The following RAB38 variants were observed in gnomAD, a reference collection of about 807,000 sequenced individuals.
The protein encoded by RAB38 is RAB38, member RAS oncogene family, also known as ras-related protein Rab-38.
Under a neutral mutation model 18.4 loss-of-function variants are expected in RAB38, and 15 were observed. The observed-to-expected ratio is 0.82, with a 90% confidence interval of 0.55 to 1.26. The LOEUF (loss-of-function observed/expected upper bound fraction) is 1.26. RAB38 is among the 50% of genes most tolerant of loss of function. The probability of loss-of-function intolerance (pLI) is 0.00; values close to 1 mark genes in which losing one functional copy is unlikely to be tolerated. For missense variants in RAB38, 294 were observed against 267.4 expected (o/e 1.10, Z -0.69); for synonymous variants, 101 against 104.4 (o/e 0.97, Z 0.20).
At chr11:87,896,375 A>G in the RAB38 span, among the ~76,000 whole-genome samples, 1 of 151,640 alleles carries the variant, frequency 6.6e-6, no homozygotes, top group Non-Finnish European at 1.5e-5. Flanking sequence ...GAACCATCCA[A>G]TTTGAAATCT....
At chr11:87,830,102 C>T in the RAB38 span, among the ~76,000 whole-genome samples, 1 of 152,106 alleles carries the variant, frequency 6.6e-6, no homozygotes, top group Non-Finnish European at 1.5e-5. Context: ...CAATAATATT[C>T]AGACAAGAAT....
the RAB38 span, among the ~76,000 whole-genome samples, chr11:88,081,942 A>C: frequency 6.6e-6 from 1 of 151,908 alleles, no homozygotes; most frequent in Non-Finnish European, 1.5e-5. Context: ...AACTACTAAT[A>C]CATGTAACAA....
the RAB38 span, among the ~76,000 whole-genome samples, chr11:87,892,348 C>G: frequency 0.09 from 13,738 of 151,838 alleles, 936 homozygotes; most frequent in Admixed American, 0.22. Flanking sequence ...AAATATAGAT[C>G]CTTTCAATCT....
chr11:87,934,584 TA>T, the RAB38 span, among the ~76,000 whole-genome samples: 1 of 152,098 alleles, frequency 6.6e-6, no homozygotes, highest in East Asian at 1.9e-4. Flanking sequence ...CGTGCAATGC[TA>T]AATTACTTTC....
the RAB38 span, among the ~76,000 whole-genome samples, chr11:88,021,047 A>G: frequency 6.6e-6 from 1 of 152,170 alleles, no homozygotes; most frequent in Non-Finnish European, 1.5e-5. Flanking sequence ...AGAACTAGAA[A>G]ACCAAGAGCA....
chr11:87,949,025 T>C, the RAB38 span, among the ~76,000 whole-genome samples: 1 of 152,232 alleles, frequency 6.6e-6, no homozygotes, highest in South Asian at 2.1e-4. Context: ...GTCCTGGACT[T>C]TTTTTGGTTG....
At chr11:87,971,791 T>C in the RAB38 span, among the ~76,000 whole-genome samples, 1 of 152,098 alleles carries the variant, frequency 6.6e-6, no homozygotes, top group Non-Finnish European at 1.5e-5. Context: ...CATCCTTCTC[T>C]GTCTATGCCT....
the RAB38 span, among the ~76,000 whole-genome samples, chr11:87,901,621 G>T: frequency 6.6e-6 from 1 of 151,576 alleles, no homozygotes; most frequent in Non-Finnish European, 1.5e-5. Context: ...CAATGAGGTT[G>T]ATAAACAGGG....
At chr11:87,903,847 T>G in the RAB38 span, among the ~76,000 whole-genome samples, 7 of 151,600 alleles carry the variant, frequency 4.6e-5, no homozygotes, top group Admixed American at 2.6e-4. Context: ...AATTTTATTA[T>G]TTTCCTTTTA....
chr11:87,881,863 A>G, the RAB38 span, among the ~76,000 whole-genome samples: 3 of 151,858 alleles, frequency 2.0e-5, no homozygotes, highest in Non-Finnish European at 4.4e-5. Context: ...GCCATGCCTC[A>G]GTGTCCATGC....
the RAB38 span, among the ~76,000 whole-genome samples, chr11:88,034,681 G>A: frequency 9.3e-4 from 141 of 152,214 alleles, no homozygotes; most frequent in African/African-American, 2.8e-3. Context: ...CCTTCTGTTC[G>A]TTTCCTAATT....
chr11:88,062,749 C>A, the RAB38 span, among the ~76,000 whole-genome samples: 5 of 152,176 alleles, frequency 3.3e-5, no homozygotes, highest in Admixed American at 2.6e-4. Context: ...ACTAATTTTG[C>A]AACCTTCAGC....
At position 88,175,185 on chromosome 11, in the gene RAB38, G is replaced by C. The variant is rs1361369524; in HGVS notation, c.200C>G (p.Ala67Gly). The C allele has an allele frequency of 1.2e-6, 2 of 1,604,024 alleles. No individual in the cohort carries two copies. Among genetic ancestry groups the C allele is most frequent in the East Asian group, 2.2e-5 (1 of 44,606 alleles). ...TGACCCCCTCCCCCCGCGCTCACCT[G>C]CGATATCCCAGAGCTGCAGGCGCAC... ...TVVRLQLWDIAGQERFGNMTR... is the reference protein window; with the variant it reads ...TVVRLQLWDIGGQERFGNMTR... Residue 67 changes from alanine to glycine, a missense_variant and splice_region_variant, in exon 1 of 3, where the codon GCA (alanine) becomes GGA (glycine). By Grantham distance (60) the Ala-to-Gly change is moderately conservative. Transcript: ENST00000243662.
intron 2 of RAB38, among the ~76,000 whole-genome samples, chr11:88,117,275 G>T (rs1942566928): frequency 6.6e-6 from 1 of 152,170 alleles, no homozygotes; most frequent in Non-Finnish European, 1.5e-5. Flanking sequence ...ATTCCTGACT[G>T]AGCTTACCTA....
chr11:87,807,492 A>C, the RAB38 span, among the ~76,000 whole-genome samples: 1 of 152,212 alleles, frequency 6.6e-6, no homozygotes, highest in Non-Finnish European at 1.5e-5. Flanking sequence ...TAAATATCTC[A>C]AGGGTAAAAG....
chr11:87,879,742 T>A, the RAB38 span: 2 of 151,790 alleles, frequency 1.3e-5, no homozygotes, highest in Admixed American at 1.3e-4. Flanking sequence ...TCATTGCTTA[T>A]TCAGGTACTT....
At chr11:88,162,988 G>A (rs1427188343) in intron 1 of RAB38, among the ~76,000 whole-genome samples, 1 of 152,030 alleles carries the variant, frequency 6.6e-6, no homozygotes, top group Non-Finnish European at 1.5e-5. Context: ...CACCTTCTTG[G>A]AGACTTTTAT....
the RAB38 span, among the ~76,000 whole-genome samples, chr11:88,043,352 G>A: frequency 6.6e-6 from 1 of 152,228 alleles, no homozygotes; most frequent in East Asian, 1.9e-4. Context: ...AGGGGGTGAA[G>A]AAAACAAAGG....
At chr11:87,953,983 C>T in the RAB38 span, among the ~76,000 whole-genome samples, 1 of 151,918 alleles carries the variant, frequency 6.6e-6, no homozygotes, top group African/African-American at 2.4e-5. Flanking sequence ...GGAGGAAAGA[C>T]ATTCCAGCAG....
Sources: allele counts gnomAD v4.1 joint callset (sites outside exome capture counted in the v4.1 genomes callset), GRCh38; gene constraint gnomAD v4.1.1; transcripts MANE v1.5; gene names NCBI Gene and HGNC (gene_info 2026-07-23, HGNC 2026-07-21).